The following RFX4 variants were observed in gnomAD, a reference collection of about 807,000 sequenced individuals.
RFX4 encodes the protein regulatory factor X4, also known as transcription factor RFX4.
Under a neutral mutation model 95.0 loss-of-function variants are expected in RFX4, and 10 were observed. The observed-to-expected ratio is 0.11, with a 90% CI of 0.06 to 0.18. The LOEUF (loss-of-function observed/expected upper bound fraction) is 0.18, where lower values mean the gene tolerates loss of function less well. RFX4 is among the 10% of genes least tolerant of loss of function. The pLI is 1.00. For synonymous variants in RFX4, 321 were observed against 340.7 expected (o/e 0.94, Z 0.64); for missense variants, 640 against 922.0 (o/e 0.69, Z 3.96).
intron 2 of RFX4, among the ~76,000 whole-genome samples, chr12:106,625,996 C>T (rs1016800316): frequency 5.3e-5 from 8 of 152,082 alleles, no homozygotes; most frequent in Non-Finnish European, 1.0e-4. Flanking sequence ...CCATGGATCC[C>T]TGCTCTCAAT....
chr12:106,687,169 C>CTA, intron 6 of RFX4, 72 bp downstream of exon 6: 2 of 729,998 alleles, frequency 2.7e-6, no homozygotes, highest in East Asian at 5.7e-5. Flanking sequence ...CTGTCTCTAT[C>CTA]TCTCTCTCTC....
At chr12:106,590,422 T>A (rs1296314302) in intron 1 of RFX4, among the ~76,000 whole-genome samples, 1 of 152,164 alleles carries the variant, frequency 6.6e-6, no homozygotes, top group Non-Finnish European at 1.5e-5. Flanking sequence ...TATTTACAGT[T>A]TAAATAGAGA....
At chr12:106,677,390 G>T (rs2041414235) in intron 4 of RFX4, among the ~76,000 whole-genome samples, 1 of 152,078 alleles carries the variant, frequency 6.6e-6, no homozygotes, top group Admixed American at 6.5e-5. Flanking sequence ...GAGCTCTGGG[G>T]AGTGGCTGGA....
intron 4 of RFX4, among the ~76,000 whole-genome samples, chr12:106,661,119 C>G (rs910892892): frequency 6.6e-6 from 1 of 152,192 alleles, no homozygotes; most frequent in Non-Finnish European, 1.5e-5. Flanking sequence ...GAGGATCTTT[C>G]ACCCTTACTC....
rs778103255 is a variant in RFX4 at position 106,732,330 on chromosome 12, C to A, written c.1471+81C>A. On this transcript the variant is annotated intron_variant, in intron 14 of 17. Transcript: ENST00000392842. Reference sequence around the variant, plus strand: ...ACTTCTGTGCTTTATGTTTCTTTAACTCTGTATCTCAAAGAATTTAGTTAT... The same window carrying A: ...ACTTCTGTGCTTTATGTTTCTTTAAATCTGTATCTCAAAGAATTTAGTTAT... 1.7e-5 allele frequency: 27 copies of A among 1,543,224 alleles called. 1 individual carries two copies. The highest frequency in any genetic ancestry group is 7.4e-5 in the Admixed American group (4 of 53,858).
At chr12:106,744,654 T>C (rs1260628659) in intron 15 of RFX4, among the ~76,000 whole-genome samples, 2 of 152,182 alleles carry the variant, frequency 1.3e-5, no homozygotes, top group Non-Finnish European at 2.9e-5. Flanking sequence ...TTTAACAGGC[T>C]TGCCCAAGAT....
intron 2 of RFX4, among the ~76,000 whole-genome samples, chr12:106,635,441 TA>T (rs2040491995): frequency 6.6e-6 from 1 of 151,924 alleles, no homozygotes; most frequent in African/African-American, 2.4e-5. Context: ...GCCACCCGAG[TA>T]GCTGGGATTA....
chr12:106,645,079 T>G (rs1411123827), intron 3 of RFX4, among the ~76,000 whole-genome samples: 1 of 141,984 alleles, frequency 7.0e-6, no homozygotes, highest in African/African-American at 2.7e-5. Context: ...TAAGAACAAA[T>G]AATACAGCAG....
chr12:106,715,611 A>G, intron 11 of RFX4, 67 bp downstream of exon 11: 1 of 1,576,186 alleles, frequency 6.3e-7, no homozygotes, highest in Non-Finnish European at 8.7e-7. Context: ...GTGTCTTAGT[A>G]AATACCGAAG....
At chr12:106,603,393 G>C (rs576332870) in intron 1 of RFX4, among the ~76,000 whole-genome samples, 3 of 152,300 alleles carry the variant, frequency 2.0e-5, no homozygotes, top group Admixed American at 6.5e-5. Flanking sequence ...CTTCACATTG[G>C]GGTTTCCAAA....
chr12:106,760,272 A>T (rs537132636), intron 17 of RFX4, among the ~76,000 whole-genome samples: 1 of 152,292 alleles, frequency 6.6e-6, no homozygotes, highest in South Asian at 2.1e-4. Flanking sequence ...GCAGACTGGG[A>T]GCTTTCAAAG....
chr12:106,710,659 G>A (rs1219925031), intron 9 of RFX4, among the ~76,000 whole-genome samples: 1 of 152,190 alleles, frequency 6.6e-6, no homozygotes, highest in Non-Finnish European at 1.5e-5. Flanking sequence ...GCGGCAAGGA[G>A]GTTTGTTGGA....
intron 2 of RFX4, among the ~76,000 whole-genome samples, chr12:106,632,434 CCA>C (rs2040433737): frequency 6.6e-6 from 1 of 152,120 alleles, no homozygotes; most frequent in Non-Finnish European, 1.5e-5. Context: ...GGCATGTCTC[CCA>C]GTGAAAACGA....
intron 7 of RFX4, among the ~76,000 whole-genome samples, chr12:106,694,240 T>G (rs1039132727): frequency 6.6e-6 from 1 of 152,250 alleles, no homozygotes; most frequent in Admixed American, 6.5e-5. Context: ...CAGAGGGGCA[T>G]GCCTTTATCC....
intron 2 of RFX4, among the ~76,000 whole-genome samples, chr12:106,630,477 T>C (rs2040396907): frequency 6.6e-6 from 1 of 152,212 alleles, no homozygotes. Context: ...AAGGGTTTGC[T>C]GCCAGAGGCT....
intron 1 of RFX4, among the ~76,000 whole-genome samples, chr12:106,590,670 G>C (rs1052178661): frequency 2.6e-5 from 4 of 152,204 alleles, no homozygotes; most frequent in African/African-American, 9.6e-5. Context: ...TAATGGCCAG[G>C]TGCTGTGGCT....
intron 1 of RFX4, among the ~76,000 whole-genome samples, chr12:106,591,469 T>C (rs2039544338): frequency 6.6e-6 from 1 of 152,064 alleles, no homozygotes. Context: ...GGTTTCACTA[T>C]GTTGGCCAAG....
intron 9 of RFX4, 104 bp from the exon 10 acceptor site, chr12:106,711,347 ACG>A (rs1465677702): frequency 1.1e-5 from 11 of 982,612 alleles, no homozygotes; most frequent in Non-Finnish European, 1.6e-5. Context: ...AGTGAGATAA[ACG>A]TAGGCAAAAT....
rs192520239 is a variant in RFX4, at chr12:106,625,461, A to G, written c.131-13871A>G. ...CAGGTCTCATGAATTCTCACTTCCA[A>G]TCTAAACAATTGCATTTTTCCCCTA... On this transcript the variant is annotated intron_variant, in intron 2 of 17. Coordinates refer to ENST00000392842, the MANE Select transcript of RFX4 (RefSeq NM_213594.3). 6.6e-5 allele frequency among the ~76,000 whole-genome samples: 10 copies of G among 152,320 alleles called. No individual in the cohort carries two copies. In the East Asian group the frequency reaches 1.5e-3, roughly 24 times the overall value.
Sources: gnomAD v4.1 joint callset for allele counts (sites outside exome capture counted in the v4.1 genomes callset) on GRCh38, gnomAD v4.1.1 for gene constraint, MANE v1.5 for transcripts, NCBI Gene and HGNC (gene_info 2026-07-23, HGNC 2026-07-21) for gene names.